The following LRRK1 variants were observed in gnomAD, a reference collection of about 807,000 sequenced individuals.
LRRK1 encodes the protein leucine rich repeat kinase 1.
In LRRK1, 113 loss-of-function variants were observed where a neutral mutation model predicts 209.1. The observed-to-expected ratio is 0.54, with a 90% CI of 0.46 to 0.63. LRRK1 has a LOEUF of 0.63. Ranked by LOEUF, LRRK1 falls within the 30% of genes least tolerant of loss-of-function variation. The pLI is 0.00. For missense variants in LRRK1, 2,284 were observed against 2,632.2 expected, an observed-to-expected ratio of 0.87 and a Z score of 2.89; for synonymous variants, 1,144 against 1,099.7, an observed-to-expected ratio of 1.04 and a Z score of -0.80.
In LRRK1 at chr15:101,066,678, A is replaced by G; in HGVS notation, c.5807A>G (p.Asp1936Gly). The change falls in exon 33 of 34, where the codon GAT becomes GGT. Residue 1936 changes from aspartate (D) to glycine (G), a missense_variant. Asp to Gly is a moderately conservative substitution (Grantham distance 94, BLOSUM62 -1). Around this residue, in one of 6 missense-constraint regions of LRRK1, gnomAD observed 643 missense variants for 695.9 expected, o/e 0.92. Transcript: ENST00000388948. ...GDVIVIGLEK[D>G]SGAQRGRVIA... ...GTTATCGTCATTGGCCTGGAGAAGGATTCTGGCGCCCAGCGGGGCCGAGTC... is the reference window on the plus strand; with the variant it reads ...GTTATCGTCATTGGCCTGGAGAAGGGTTCTGGCGCCCAGCGGGGCCGAGTC... The G allele has an allele frequency of 6.2e-7, 1 of 1,614,188 alleles. No homozygotes were observed. The highest frequency in any genetic ancestry group is 1.3e-5 in the African/African-American group (1 of 75,040).
chr15:100,980,003 G>A (rs1332085907), intron 3 of LRRK1, among the ~76,000 whole-genome samples: 3 of 152,214 alleles, frequency 2.0e-5, no homozygotes, highest in East Asian at 3.9e-4. Flanking sequence ...GTACAATCAC[G>A]CTGGAAACTA....
chr15:101,015,214 A>T, intron 11 of LRRK1, 112 bp from the exon 12 acceptor site: 1 of 790,084 alleles, frequency 1.3e-6, no homozygotes, highest in South Asian at 1.7e-5. Flanking sequence ...GGCCCTGAAG[A>T]GTTGCACATG....
At chr15:100,990,304 AGCTCTCCTGCTATTG>A (rs1357672661) in intron 6 of LRRK1, among the ~76,000 whole-genome samples, 5 of 152,136 alleles carry the variant, frequency 3.3e-5, no homozygotes, top group Non-Finnish European at 7.4e-5. Context: ...TAGTTGACAT[AGCTCTCCTGCTATTG>A]GTGGACATTT....
rs1461034588 is a variant in LRRK1, at chr15:101,055,073, G to A, written c.4182G>A (p.Val1394=). 6.2e-7 allele frequency: 1 copy of A among 1,614,214 alleles called. No homozygotes were observed. ...FCDLKSDNIL[V]WSLDVKEHIN... ...ACCTGAAGTCGGACAACATTCTGGT[G>A]TGGTCCCTTGACGTCAAGGAGCACA... is the stretch of plus-strand genomic sequence containing the variant. Residue 1394 remains valine, a synonymous_variant, in exon 27 of 34, where the codon GTG becomes GTA. Transcript: ENST00000388948.
chr15:101,016,477 C>G (rs944337753), intron 12 of LRRK1, among the ~76,000 whole-genome samples: 1 of 147,376 alleles, frequency 6.8e-6, no homozygotes, highest in Non-Finnish European at 1.5e-5. Flanking sequence ...TGAGCCACCA[C>G]GCCCGGCCCC....
chr15:101,035,924 A>G (rs1355076617), intron 20 of LRRK1, among the ~76,000 whole-genome samples: 2 of 152,184 alleles, frequency 1.3e-5, no homozygotes, highest in Non-Finnish European at 2.9e-5. Flanking sequence ...TTATAGGGCC[A>G]GTCTATTAGT....
rs1415816148 is a variant in LRRK1 at position 101,023,187 on chromosome 15, T to G, written c.2067+590T>G. ...ACCCTGCCGTCCCTGACACCTGCTT[T>G]CACCCCAGGTTCTGAAAAGTCCTGT... On this transcript the variant is annotated intron_variant, in intron 15 of 33. Transcript: ENST00000388948. 2.0e-5 allele frequency among the ~76,000 whole-genome samples: 3 copies of G among 152,112 alleles called. No individual in the cohort carries two copies. The East Asian group carries it at 5.8e-4, about 29-fold the overall frequency.
chr15:100,988,087 A>G (rs2031965102), intron 4 of LRRK1, among the ~76,000 whole-genome samples: 2 of 152,226 alleles, frequency 1.3e-5, no homozygotes, highest in Non-Finnish European at 2.9e-5. Context: ...AGAAAACACT[A>G]TCAACTCAAC....
Position 101,065,802 on chromosome 15 carries a change from G to A in LRRK1, c.5365G>A (p.Val1789Met), listed in dbSNP as rs536296948. ...CAGCCCCCTCAGGGACATGTTTCCC[G>A]TGCGGCCCTTGGACACGGAACCCCC... ...VPSPLRDMFP[V>M]RPLDTEPPAA... The change falls in exon 32 of 34, where the codon GTG (valine) becomes ATG (methionine). Residue 1789 changes from valine (V) to methionine (M), a missense_variant. Val to Met is a conservative substitution (Grantham distance 21). Coordinates refer to ENST00000388948, the MANE Select transcript of LRRK1 (RefSeq NM_024652.6). 4.5e-5 allele frequency: 72 copies of A among 1,614,032 alleles called. No homozygotes were observed. The highest frequency in any genetic ancestry group is 1.7e-4 in the Middle Eastern group (1 of 6,060).
At chr15:100,941,459 TGTCTCTGTGTGTG>T (rs2042431166) in intron 2 of LRRK1, among the ~76,000 whole-genome samples, 1 of 65,036 alleles carries the variant, frequency 1.5e-5, no homozygotes, top group Admixed American at 1.3e-4. Flanking sequence ...TGTGTGTCTA[TGTCTCTGTGTGTG>T]TGTGTGTGTG....
chr15:101,026,601 A>G (rs1020234155), intron 17 of LRRK1, among the ~76,000 whole-genome samples: 5 of 152,250 alleles, frequency 3.3e-5, no homozygotes, highest in African/African-American at 1.2e-4. Flanking sequence ...CGACGTGTCC[A>G]TACAGATAAG....
At chr15:101,015,535 C>A in intron 12 of LRRK1, 133 bp downstream of exon 12, 3 of 660,732 alleles carry the variant, frequency 4.5e-6, no homozygotes, top group Non-Finnish European at 5.3e-6. Context: ...CACAGATGTC[C>A]AAGTTCAAAT....
chr15:101,054,607 G>A (rs1210616511), intron 26 of LRRK1, among the ~76,000 whole-genome samples: 2 of 152,314 alleles, frequency 1.3e-5, no homozygotes, highest in Admixed American at 1.3e-4. Context: ...AGGAATTCAA[G>A]ACCAGCCTGG....
At chr15:100,965,040 G>A (rs2030365741) in intron 2 of LRRK1, among the ~76,000 whole-genome samples, 1 of 152,214 alleles carries the variant, frequency 6.6e-6, no homozygotes, top group Non-Finnish European at 1.5e-5. Flanking sequence ...ACAGACTGGG[G>A]CGGTGTCTTT....
At chr15:100,972,313 T>G (rs2030937096) in intron 2 of LRRK1, among the ~76,000 whole-genome samples, 1 of 140,260 alleles carries the variant, frequency 7.1e-6, no homozygotes, top group African/African-American at 2.6e-5. Context: ...GAATTGTAAT[T>G]TGGGATATAT....
chr15:101,018,691 G>A (rs2033652604), intron 12 of LRRK1, among the ~76,000 whole-genome samples: 1 of 152,218 alleles, frequency 6.6e-6, no homozygotes, highest in Non-Finnish European at 1.5e-5. Context: ...GCCCGCAGAA[G>A]TACATCTGGG....
chr15:100,941,379 T>C (rs60683908), intron 2 of LRRK1, among the ~76,000 whole-genome samples: 487 of 5,940 alleles, frequency 0.082, 17 homozygotes, highest in African/African-American at 0.16. Context: ...TGTATGTGTG[T>C]GTCTGTGTCT....
chr15:100,953,161 T>C (rs1184785080), intron 2 of LRRK1, among the ~76,000 whole-genome samples: 3 of 152,202 alleles, frequency 2.0e-5, no homozygotes, highest in Non-Finnish European at 4.4e-5. Context: ...TCTACTCTTT[T>C]AGTAAATTTC....
Position 101,066,995 on chromosome 15 carries a change from A to G in LRRK1, c.5870+254A>G, listed in dbSNP as rs560061528. On this transcript the variant is annotated intron_variant, in intron 33 of 33. Coordinates refer to ENST00000388948, the MANE Select transcript of LRRK1 (RefSeq NM_024652.6). Reference sequence around the variant, plus strand: ...GATCAAGTACCCTACCTAGTACCCTACCTAACGAATGTCTCCAGGGCCAGA... The same window carrying G: ...GATCAAGTACCCTACCTAGTACCCTGCCTAACGAATGTCTCCAGGGCCAGA... Among the ~76,000 whole-genome samples the G allele has an allele frequency of 1.7e-4, 26 of 152,292 alleles. No homozygotes were observed. In the South Asian group the frequency reaches 5.2e-3, roughly 30 times the overall value.
Sources: gnomAD v4.1 joint callset for allele counts (sites outside exome capture counted in the v4.1 genomes callset) on GRCh38, gnomAD v4.1.1 for gene constraint, gnomAD v4.1.1 regional missense constraint, MANE v1.5 for transcripts, NCBI Gene and HGNC (gene_info 2026-07-23, HGNC 2026-07-21) for gene names.